GRID2: variants seen among roughly 807,000 people sequenced by gnomAD.
The protein encoded by GRID2 is glutamate receptor ionotropic, delta-2.
GRID2 carries 33 observed loss-of-function variants against 114.8 expected under a neutral mutation model. The observed-to-expected ratio is 0.29, with a 90% CI of 0.22 to 0.38. GRID2 has a LOEUF of 0.38. GRID2 is among the 10% of genes least tolerant of loss of function. The pLI, the probability that GRID2 is intolerant of heterozygous loss-of-function variation, is 1.00. For missense variants in GRID2, 1,184 were observed against 1,257.7 expected (o/e 0.94, Z 0.89); for synonymous variants, 505 against 449.9 (o/e 1.12, Z -1.55).
At chr4:92,525,327 A>C (rs1323939958) in intron 1 of GRID2, among the ~76,000 whole-genome samples, 2 of 152,112 alleles carry the variant, frequency 1.3e-5, no homozygotes, top group African/African-American at 4.8e-5. Flanking sequence ...TGGTTAAAGA[A>C]CAGTGGAAAT....
intron 2 of GRID2, among the ~76,000 whole-genome samples, chr4:92,638,234 G>T (rs1171708298): frequency 2.6e-5 from 4 of 151,342 alleles, no homozygotes; most frequent in Admixed American, 2.0e-4. Context: ...CCTTGCTGTT[G>T]CTCACATTTT....
chr4:92,679,303 A>G (rs1362531076), intron 2 of GRID2, among the ~76,000 whole-genome samples: 1 of 152,028 alleles, frequency 6.6e-6, no homozygotes, highest in Non-Finnish European at 1.5e-5. Context: ...TAGCTTGTAA[A>G]TACACATCAG....
At chr4:92,450,263 G>C (rs568484748) in intron 1 of GRID2, among the ~76,000 whole-genome samples, 1 of 152,064 alleles carries the variant, frequency 6.6e-6, no homozygotes, top group African/African-American at 2.4e-5. Context: ...TATAATAGTA[G>C]AATGAATAGA....
At chr4:93,148,439 C>T (rs192793393) in intron 4 of GRID2, among the ~76,000 whole-genome samples, 3 of 151,936 alleles carry the variant, frequency 2.0e-5, no homozygotes, top group East Asian at 1.9e-4. Context: ...AGAGACCTTG[C>T]GTGAAGGAAA....
At chr4:92,518,735 T>G (rs549288647) in intron 1 of GRID2, among the ~76,000 whole-genome samples, 1 of 151,934 alleles carries the variant, frequency 6.6e-6, no homozygotes, top group African/African-American at 2.4e-5. Context: ...ACATAAAAGG[T>G]ATTGACCTTT....
intron 8 of GRID2, among the ~76,000 whole-genome samples, chr4:93,373,063 C>T (rs556983486): frequency 6.6e-6 from 1 of 152,210 alleles, no homozygotes; most frequent in African/African-American, 2.4e-5. Flanking sequence ...AAGTCTTCAA[C>T]CCATCTCCTA....
At chr4:93,564,327 A>G (rs1212223175) in intron 13 of GRID2, among the ~76,000 whole-genome samples, 1 of 150,138 alleles carries the variant, frequency 6.7e-6, no homozygotes, top group African/African-American at 2.4e-5. Context: ...ATTTTGTTTC[A>G]TTTTCCTTTC....
intron 13 of GRID2, among the ~76,000 whole-genome samples, chr4:93,608,171 G>T (rs1323577340): frequency 6.7e-6 from 1 of 148,970 alleles, no homozygotes; most frequent in African/African-American, 2.5e-5. Context: ...TATGTATTCT[G>T]GATTTAATAA....
At chr4:92,725,921 A>G (rs1279890486) in intron 2 of GRID2, among the ~76,000 whole-genome samples, 2 of 152,150 alleles carry the variant, frequency 1.3e-5, no homozygotes, top group African/African-American at 2.4e-5. Context: ...GGAAGTAAGC[A>G]CAAAATGAAG....
intron 1 of GRID2, among the ~76,000 whole-genome samples, chr4:92,334,133 T>G (rs1206857693): frequency 6.6e-6 from 1 of 152,188 alleles, no homozygotes; most frequent in Non-Finnish European, 1.5e-5. Flanking sequence ...ATAACAAGGA[T>G]GGCCTTTACT....
chr4:92,468,782 C>T (rs1721879180), intron 1 of GRID2, among the ~76,000 whole-genome samples: 1 of 152,016 alleles, frequency 6.6e-6, no homozygotes, highest in African/African-American at 2.4e-5. Context: ...GAAGGGAAGC[C>T]ATTAAAATGT....
At chr4:93,115,876 A>G (rs1457877678) in intron 4 of GRID2, among the ~76,000 whole-genome samples, 1 of 152,162 alleles carries the variant, frequency 6.6e-6, no homozygotes, top group Non-Finnish European at 1.5e-5. Flanking sequence ...AACACATGGG[A>G]ACTACAGGAG....
At chr4:92,460,090 C>T (rs1483006136) in intron 1 of GRID2, among the ~76,000 whole-genome samples, 2 of 110,604 alleles carry the variant, frequency 1.8e-5, no homozygotes, top group African/African-American at 3.6e-5. Context: ...CTCTGGAGAA[C>T]TCTGACTAAT....
chr4:92,703,102 A>T (rs1734764753), intron 2 of GRID2, among the ~76,000 whole-genome samples: 1 of 152,222 alleles, frequency 6.6e-6, no homozygotes. Flanking sequence ...CTTAGCAAGG[A>T]AGACTGCCTT....
At chr4:93,108,630 T>TTTTC (rs1317113310) in intron 3 of GRID2, among the ~76,000 whole-genome samples, 2 of 151,850 alleles carry the variant, frequency 1.3e-5, no homozygotes. Context: ...ATGTATTTTT[T>TTTTC]TTTTCTTTTT....
rs140481624 is a variant in GRID2 at position 92,744,792 on chromosome 4, T to G, written c.244+154506T>G. Among the ~76,000 whole-genome samples, 998 of 152,326 alleles carry G rather than the reference T, an allele frequency of 6.6e-3. 11 individuals are homozygous for G. The highest frequency in any genetic ancestry group is 0.021 in the African/African-American group (892 of 41,564). On this transcript the variant is annotated intron_variant, in intron 2 of 15. Coordinates refer to ENST00000282020, the MANE Select transcript of GRID2 (RefSeq NM_001510.4). ...TATTTACCTACTCATTATGTTCTACTGTATAATGTTTTGTAAATCGTTATT... is the reference window on the plus strand; with the variant it reads ...TATTTACCTACTCATTATGTTCTACGGTATAATGTTTTGTAAATCGTTATT...
At chr4:93,764,814 C>T (rs1733505277) in intron 14 of GRID2, among the ~76,000 whole-genome samples, 1 of 152,124 alleles carries the variant, frequency 6.6e-6, no homozygotes, top group Non-Finnish European at 1.5e-5. Context: ...TCTCTATGAG[C>T]AAATACTGCC....
At chr4:92,742,893 G>T (rs534115469) in intron 2 of GRID2, among the ~76,000 whole-genome samples, 48 of 152,326 alleles carry the variant, frequency 3.2e-4, no homozygotes, top group Admixed American at 5.9e-4. Flanking sequence ...AAAGGGCTAT[G>T]TGTAGTGAGA....
At chr4:92,852,666 T>G (rs915939964) in intron 2 of GRID2, among the ~76,000 whole-genome samples, 1 of 151,910 alleles carries the variant, frequency 6.6e-6, no homozygotes, top group Non-Finnish European at 1.5e-5. Context: ...CCATTAACCA[T>G]GCCCTCCTTC....
Sources: gnomAD v4.1 joint callset for allele counts (sites outside exome capture counted in the v4.1 genomes callset) on GRCh38, gnomAD v4.1.1 for gene constraint, MANE v1.5 for transcripts, NCBI Gene and HGNC (gene_info 2026-07-23, HGNC 2026-07-21) for gene names.